Variants in PRKD1 observed in about 807,000 individuals in gnomAD.
The protein encoded by PRKD1 is serine/threonine-protein kinase D1.
PRKD1 carries 63 observed loss-of-function variants against 95.9 expected under a neutral mutation model. The observed-to-expected ratio is 0.66, with a 90% confidence interval of 0.54 to 0.81. The LOEUF (loss-of-function observed/expected upper bound fraction) is 0.81, where lower values mean the gene tolerates loss of function less well. PRKD1 is among the 30% of genes least tolerant of loss of function. PRKD1 has a pLI of 0.00. For synonymous variants in PRKD1, 425 were observed against 423.1 expected (o/e 1.00, Z -0.05); for missense variants, 1,048 against 1,165.3 (o/e 0.90, Z 1.47).
intron 6 of PRKD1, 162 bp downstream of exon 6, chr14:29,638,327 G>A: frequency 1.5e-6 from 1 of 663,634 alleles, no homozygotes; most frequent in Non-Finnish European, 2.6e-6. Context: ...CTCCATGGAT[G>A]CTTTTCTATT....
At chr14:29,626,737 T>C (rs1430613053) in intron 11 of PRKD1, among the ~76,000 whole-genome samples, 181 bp from the exon 12 acceptor site, 11 of 144,178 alleles carry the variant, frequency 7.6e-5, no homozygotes, top group African/African-American at 1.0e-4. Context: ...TTTTTTGAGA[T>C]GGAGTCTCGC....
At chr14:29,654,039 T>C (rs139095853) in intron 4 of PRKD1, among the ~76,000 whole-genome samples, 2 of 152,150 alleles carry the variant, frequency 1.3e-5, no homozygotes, top group African/African-American at 4.8e-5. Flanking sequence ...TACACTATTT[T>C]CAGTAGAGTT....
chr14:29,656,299 C>G (rs1881831953), intron 4 of PRKD1, among the ~76,000 whole-genome samples: 1 of 152,128 alleles, frequency 6.6e-6, no homozygotes, highest in Non-Finnish European at 1.5e-5. Flanking sequence ...CATAACAGGA[C>G]AAAAGCAAGG....
At chr14:29,689,688 G>A (rs1281948398) in intron 2 of PRKD1, among the ~76,000 whole-genome samples, 2 of 152,210 alleles carry the variant, frequency 1.3e-5, no homozygotes, top group Admixed American at 1.3e-4. Flanking sequence ...GTTCATTGCA[G>A]CACTCTTTAC....
intron 11 of PRKD1, 77 bp downstream of exon 11, chr14:29,628,964 T>TA (rs1252416315): frequency 1.2e-5 from 13 of 1,088,328 alleles, no homozygotes; most frequent in Non-Finnish European, 1.6e-5. Flanking sequence ...TAAAATGAAT[T>TA]AAAAAAACTA....
At chr14:29,729,813 C>T (rs1057075239) in intron 1 of PRKD1, among the ~76,000 whole-genome samples, 5 of 151,922 alleles carry the variant, frequency 3.3e-5, no homozygotes. Context: ...CAATATTTCA[C>T]AAATTTTGAA....
intron 2 of PRKD1, among the ~76,000 whole-genome samples, chr14:29,700,930 T>TCTCC (rs1387237944): frequency 6.6e-6 from 1 of 151,826 alleles, no homozygotes; most frequent in Non-Finnish European, 1.5e-5. Context: ...TCTCTCGCTG[T>TCTCC]CTCCCTCCCC....
chr14:29,905,708 C>G (rs751420906), intron 1 of PRKD1, among the ~76,000 whole-genome samples: 62 of 152,164 alleles, frequency 4.1e-4, no homozygotes, highest in Non-Finnish European at 7.3e-4. Context: ...GGGAGAAGCC[C>G]TCCTCAAGGT....
rs773084000 is a variant in PRKD1 at position 29,599,032 on chromosome 14, G to C, written c.2161C>G (p.Pro721Ala). 1 of 1,611,788 alleles carries C rather than the reference G, an allele frequency of 6.2e-7. No individual in the cohort carries two copies. The highest frequency in any genetic ancestry group is 1.1e-5 in the South Asian group (1 of 90,970). Residue 721 changes from proline (P) to alanine (A), a missense_variant, in exon 15 of 18, where the codon CCT (proline) becomes GCT (alanine). Physicochemically the swap from Pro to Ala is conservative, Grantham distance 27. Around this residue, in one of 3 missense-constraint regions of PRKD1, gnomAD observed 739 missense variants for 861.9 expected, o/e 0.86. Coordinates refer to ENST00000331968, the MANE Select transcript of PRKD1 (RefSeq NM_002742.3). ...AGAGAGGCTTTTATACTTGCCTGAG[G>C]AAAAGGATCAGCTGAGGCTAGCAAC... ...NVLLASADPF[P>A]QVKLCDFGFA...
At chr14:29,677,987 A>G (rs938132180) in intron 2 of PRKD1, among the ~76,000 whole-genome samples, 4 of 152,220 alleles carry the variant, frequency 2.6e-5, no homozygotes, top group Admixed American at 2.6e-4. Context: ...TTTCTAACCA[A>G]TGATTTTTCA....
intron 1 of PRKD1, among the ~76,000 whole-genome samples, chr14:29,881,234 G>A (rs531335142): frequency 9.9e-5 from 15 of 152,206 alleles, no homozygotes; most frequent in East Asian, 9.7e-4. Context: ...CCTGGGGACC[G>A]GTCTTTTCCG....
intron 1 of PRKD1, among the ~76,000 whole-genome samples, chr14:29,833,863 A>G (rs190225042): frequency 2.0e-4 from 30 of 152,052 alleles, no homozygotes; most frequent in Admixed American, 1.8e-3. Flanking sequence ...CATCAGACCC[A>G]TTACAGACTA....
intron 1 of PRKD1, among the ~76,000 whole-genome samples, chr14:29,849,981 G>A (rs116371055): frequency 0.011 from 1,598 of 152,104 alleles, 29 homozygotes; most frequent in African/African-American, 0.037. Context: ...TTAAGAAAAC[G>A]CTTTCGAGAG....
At chr14:29,715,195 T>C (rs1013443965) in intron 2 of PRKD1, among the ~76,000 whole-genome samples, 1 of 152,094 alleles carries the variant, frequency 6.6e-6, no homozygotes, top group Non-Finnish European at 1.5e-5. Flanking sequence ...ATATGTCACA[T>C]TGAAGGTCAT....
At position 29,638,517 on chromosome 14, in the gene PRKD1, G is replaced by C; in HGVS notation, c.957C>G (p.Asn319Lys). 3 of 1,614,212 alleles carry C rather than the reference G, an allele frequency of 1.9e-6. No individual in the cohort carries two copies. Among genetic ancestry groups the C allele is most frequent in the South Asian group, 1.1e-5 (1 of 91,080 alleles). The change falls in exon 6 of 18, where the codon AAC (asparagine) becomes AAG (lysine). Residue 319 changes from asparagine (N) to lysine (K), a missense_variant. Asn to Lys is a moderately conservative substitution (Grantham distance 94, BLOSUM62 0). Coordinates refer to ENST00000331968, the MANE Select transcript of PRKD1 (RefSeq NM_002742.3). Reference sequence around the variant, plus strand: ...CATTAATGGTCACTTCGCCAAGGCAGTTGTTTGGTACTTTCGGTGCACAAC... The same window carrying C: ...CATTAATGGTCACTTCGCCAAGGCACTTGTTTGGTACTTTCGGTGCACAAC... ...HKRCAPKVPN[N>K]CLGEVTINGD...
Position 29,577,355 on chromosome 14 carries a change from G to C in PRKD1, c.2622C>G (p.Gly874=). 6.2e-7 allele frequency: 1 copy of C among 1,613,738 alleles called. No homozygotes were observed. The highest frequency in any genetic ancestry group is 8.5e-7 in the Non-Finnish European group (1 of 1,179,802). ...SDDLRWEKYA[G]EQGLQYPTHL... is the part of the protein sequence containing the mutation. ...GTGTGGGGTACTGCAGCCCCTGCTCGCCTGCATACTTCTCCCACCTCAGGT... is the reference window on the plus strand; with the variant it reads ...GTGTGGGGTACTGCAGCCCCTGCTCCCCTGCATACTTCTCCCACCTCAGGT... Residue 874 remains glycine, a synonymous_variant, in exon 18 of 18, where the codon GGC becomes GGG. Transcript: ENST00000331968.
In PRKD1 at chr14:29,901,386, C is replaced by T. The variant is rs116447204; in HGVS notation, c.264+25863G>A. 6.3e-3 allele frequency among the ~76,000 whole-genome samples: 957 copies of T among 152,286 alleles called. 12 individuals are homozygous for T. Among genetic ancestry groups the T allele is most frequent in the African/African-American group, 0.022 (913 of 41,560 alleles). On this transcript the variant is annotated intron_variant, in intron 1 of 17. Coordinates refer to ENST00000331968, the MANE Select transcript of PRKD1 (RefSeq NM_002742.3). ...AGGCTGAAAAACCACCTACTGAGTA[C>T]TATGCTCACTACCTGGGTGATGGGA... is the stretch of plus-strand genomic sequence containing the variant.
chr14:29,874,628 A>T (rs1893222747), intron 1 of PRKD1, among the ~76,000 whole-genome samples: 1 of 152,202 alleles, frequency 6.6e-6, no homozygotes, highest in Non-Finnish European at 1.5e-5. Flanking sequence ...AATGTGGTCT[A>T]CATACACAAC....
intron 16 of PRKD1, among the ~76,000 whole-genome samples, chr14:29,589,060 GC>G (rs1242025074): frequency 6.6e-6 from 1 of 151,928 alleles, no homozygotes; most frequent in Non-Finnish European, 1.5e-5. Flanking sequence ...CTGCCTGTTT[GC>G]CTCTCTAATG....
Sources: allele counts gnomAD v4.1 joint callset (sites outside exome capture counted in the v4.1 genomes callset), GRCh38; gene constraint gnomAD v4.1.1; regional missense constraint gnomAD v4.1.1; transcripts MANE v1.5; gene names NCBI Gene and HGNC (gene_info 2026-07-23, HGNC 2026-07-21).